Variants in BCL2 observed in about 807,000 individuals in gnomAD.
BCL2 encodes apoptosis regulator Bcl-2.
In BCL2, 1 loss-of-function variant was observed where a neutral mutation model predicts 14.2. The ratio of observed to expected loss-of-function variants is 0.07; its 90% CI spans 0.02 to 0.33. The LOEUF (loss-of-function observed/expected upper bound fraction) is 0.33. BCL2 is among the 10% of genes least tolerant of loss of function. The pLI is 0.99. For synonymous variants in BCL2, 151 were observed against 137.2 expected (o/e 1.10, Z -0.70); for missense variants, 247 against 305.9 (o/e 0.81, Z 1.44).
At position 63,318,735 on chromosome 18, in the gene BCL2, G is replaced by C; in HGVS notation, c.-69C>G. On this transcript the variant is annotated 5_prime_UTR_variant, in exon 2 of 3. Transcript: ENST00000333681. The surrounding 1 kb of genome is among the most constrained non-coding windows in gnomAD (Gnocchi z 7.4). ...CCCAGCTCCCACCCCACGGCCCCCA[G>C]AGAAAGAAGAGGAGTTATAATCCAG... 1.2e-6 allele frequency: 2 copies of C among 1,601,644 alleles called. No homozygotes were observed. Among genetic ancestry groups the C allele is most frequent in the Non-Finnish European group, 1.7e-6 (2 of 1,174,276 alleles).
At chr18:63,295,002 A>C (rs1323824766) in intron 2 of BCL2, among the ~76,000 whole-genome samples, 1 of 150,804 alleles carries the variant, frequency 6.6e-6, no homozygotes, top group African/African-American at 2.4e-5. Flanking sequence ...AAATACCAAA[A>C]AAAAAAAAAA....
chr18:63,199,620 G>A (rs1286470407), intron 2 of BCL2, among the ~76,000 whole-genome samples: 1 of 150,708 alleles, frequency 6.6e-6, no homozygotes, highest in Admixed American at 6.6e-5. Context: ...CACATGCACA[G>A]ACACATACAC....
chr18:63,309,543 A>T (rs1157699241), intron 2 of BCL2, among the ~76,000 whole-genome samples: 1 of 152,046 alleles, frequency 6.6e-6, no homozygotes, highest in Non-Finnish European at 1.5e-5. Flanking sequence ...CTTTGATTCT[A>T]CACGTGCAGT....
rs144596877 is a variant in BCL2, at chr18:63,214,899, G to C, written c.586-86140C>G. Among the ~76,000 whole-genome samples the C allele has an allele frequency of 6.3e-3, 963 of 152,026 alleles. 3 individuals are homozygous for C. The highest frequency in any genetic ancestry group is 0.011 in the Non-Finnish European group (721 of 67,994). ...CTAATTTTTGTATTTTTAGTAAATG[G>C]GGTTTCACCATGTTGGCCAGGCTGG... On this transcript the variant is annotated intron_variant, in intron 2 of 2. Coordinates refer to ENST00000333681, the MANE Select transcript of BCL2 (RefSeq NM_000633.3).
rs1434139534 is a variant in BCL2 at position 63,127,151 on chromosome 18, G to T, written c.*1474C>A. 2 of 228,406 alleles carry T rather than the reference G, an allele frequency of 8.8e-6. No homozygotes were observed. The highest frequency in any genetic ancestry group is 4.4e-5 in the African/African-American group (2 of 44,978). The allele number at this position is 228,406 out of a possible 1,614,324, so 14.1% of individuals were successfully genotyped here. ...ACAGTGACAAGATAATGTTTTACAT[G>T]TAATTCCATAGACAGGGGTCAATTA... On this transcript the variant is annotated 3_prime_UTR_variant, in exon 3 of 3. Transcript: ENST00000333681.
At chr18:63,157,168 G>A (rs1914804733) in intron 2 of BCL2, among the ~76,000 whole-genome samples, 1 of 152,222 alleles carries the variant, frequency 6.6e-6, no homozygotes, top group Non-Finnish European at 1.5e-5. Context: ...TAAAAAACCA[G>A]AAGGCAAGAA....
At chr18:63,172,972 A>G (rs907462797) in intron 2 of BCL2, among the ~76,000 whole-genome samples, 1 of 152,218 alleles carries the variant, frequency 6.6e-6, no homozygotes, top group African/African-American at 2.4e-5. Context: ...ATTCCCATTG[A>G]TTGACTCTAC....
intron 2 of BCL2, among the ~76,000 whole-genome samples, chr18:63,312,380 G>T (rs1461579180): frequency 6.6e-6 from 1 of 152,200 alleles, no homozygotes; most frequent in Non-Finnish European, 1.5e-5. Flanking sequence ...ACAGATGGGT[G>T]TATCTTTTGT....
intron 2 of BCL2, among the ~76,000 whole-genome samples, chr18:63,216,646 G>C (rs1910213386): frequency 6.6e-6 from 1 of 152,106 alleles, no homozygotes; most frequent in African/African-American, 2.4e-5. Flanking sequence ...AATACCAAGG[G>C]AAAAGGCAAT....
At chr18:63,138,084 A>T (rs1344158386) in intron 2 of BCL2, among the ~76,000 whole-genome samples, 3 of 152,222 alleles carry the variant, frequency 2.0e-5, no homozygotes, top group Admixed American at 2.0e-4. Context: ...AAGAGAAAGG[A>T]CATGAAGGAG....
chr18:63,199,028 C>G (rs1221782003), intron 2 of BCL2, among the ~76,000 whole-genome samples: 1 of 150,644 alleles, frequency 6.6e-6, no homozygotes, highest in African/African-American at 2.4e-5. Context: ...CACACACTGA[C>G]ATACAGACAC....
At chr18:63,161,316 A>T (rs1055794634) in intron 2 of BCL2, among the ~76,000 whole-genome samples, 1 of 152,174 alleles carries the variant, frequency 6.6e-6, no homozygotes, top group African/African-American at 2.4e-5. Context: ...TGTCTTCTGT[A>T]TATTTTTTCC....
At chr18:63,298,230 T>C (rs568814556) in intron 2 of BCL2, among the ~76,000 whole-genome samples, 1 of 152,238 alleles carries the variant, frequency 6.6e-6, no homozygotes, top group South Asian at 2.1e-4. Flanking sequence ...GAGTTTATTT[T>C]ACACGACTCT....
chr18:63,137,357 G>T (rs1021606918), intron 2 of BCL2, among the ~76,000 whole-genome samples: 3 of 152,200 alleles, frequency 2.0e-5, no homozygotes, highest in African/African-American at 7.2e-5. Flanking sequence ...TGGAGGTGCA[G>T]GACCATGTTT....
At chr18:63,228,819 G>C (rs1910615623) in intron 2 of BCL2, among the ~76,000 whole-genome samples, 1 of 151,772 alleles carries the variant, frequency 6.6e-6, no homozygotes, top group Non-Finnish European at 1.5e-5. Context: ...AGTAATTCTT[G>C]TGCCTCAGCC....
At chr18:63,284,973 G>A (rs1912429555) in intron 2 of BCL2, among the ~76,000 whole-genome samples, 1 of 152,168 alleles carries the variant, frequency 6.6e-6, no homozygotes, top group Admixed American at 6.5e-5. Context: ...TGGAAAGGGG[G>A]AGTCAGGCAT....
intron 2 of BCL2, among the ~76,000 whole-genome samples, chr18:63,276,648 A>G (rs1179231831): frequency 2.0e-5 from 3 of 152,248 alleles, no homozygotes; most frequent in Non-Finnish European, 4.4e-5. Context: ...ACACGTATTC[A>G]CCATTTCAGA....
intron 2 of BCL2, among the ~76,000 whole-genome samples, chr18:63,173,754 A>G (rs1915284689): frequency 6.6e-6 from 1 of 152,210 alleles, no homozygotes; most frequent in South Asian, 2.1e-4. Context: ...ATGAACTCTA[A>G]TAGGACAAGA....
At chr18:63,207,195 G>A (rs149349464) in intron 2 of BCL2, among the ~76,000 whole-genome samples, 1 of 152,234 alleles carries the variant, frequency 6.6e-6, no homozygotes, top group Non-Finnish European at 1.5e-5. Flanking sequence ...AGCGTTCCAG[G>A]TGCAGGCGGC....
Sources: allele counts gnomAD v4.1 joint callset (sites outside exome capture counted in the v4.1 genomes callset), GRCh38; gene constraint gnomAD v4.1.1; non-coding constraint Gnocchi (gnomAD v3.1); transcripts MANE v1.5; gene names NCBI Gene and HGNC (gene_info 2026-07-23, HGNC 2026-07-21).